PTPRD: variants seen among roughly 807,000 people sequenced by gnomAD.
The protein encoded by PTPRD is protein tyrosine phosphatase receptor type D.
In PTPRD, 34 loss-of-function variants were observed where a neutral mutation model predicts 214.5. The ratio of observed to expected loss-of-function variants is 0.16; its 90% confidence interval spans 0.12 to 0.21. PTPRD has a LOEUF of 0.21. Ranked by LOEUF, PTPRD falls within the 10% of genes least tolerant of loss-of-function variation. PTPRD has a pLI of 1.00. For missense variants in PTPRD, 2,545 were observed against 2,398.7 expected, an observed-to-expected ratio of 1.06 and a Z score of -1.27; for synonymous variants, 1,128 against 845.7, an observed-to-expected ratio of 1.33 and a Z score of -5.79.
intron 11 of PTPRD, among the ~76,000 whole-genome samples, chr9:8,779,639 T>C (rs1302672291): frequency 2.0e-5 from 3 of 152,120 alleles, no homozygotes; most frequent in Non-Finnish European, 4.4e-5. Flanking sequence ...GAGCCAGAGA[T>C]GCCACTATCT....
intron 43 of PTPRD, among the ~76,000 whole-genome samples, chr9:8,337,489 T>C (rs117303846): frequency 0.019 from 2,852 of 152,062 alleles, 40 homozygotes; most frequent in Non-Finnish European, 0.026. Context: ...TTAGGAGAAA[T>C]ACCTAATGTA....
chr9:10,410,512 T>A (rs551217313), intron 2 of PTPRD, among the ~76,000 whole-genome samples: 1 of 151,382 alleles, frequency 6.6e-6, no homozygotes, highest in South Asian at 2.1e-4. Flanking sequence ...AAACTGTTGA[T>A]GTAGTGAATG....
intron 5 of PTPRD, among the ~76,000 whole-genome samples, chr9:9,929,761 T>C (rs1320986967): frequency 6.6e-6 from 1 of 152,200 alleles, no homozygotes; most frequent in Non-Finnish European, 1.5e-5. Context: ...TAATGGAGGA[T>C]GTCCCTAGGA....
chr9:9,691,800 T>G (rs2097276089), intron 7 of PTPRD, among the ~76,000 whole-genome samples: 1 of 152,094 alleles, frequency 6.6e-6, no homozygotes, highest in Non-Finnish European at 1.5e-5. Flanking sequence ...ATTGCCTGTC[T>G]TTGGACAAAA....
chr9:9,966,120 T>A (rs2094679731), intron 4 of PTPRD, among the ~76,000 whole-genome samples: 1 of 151,882 alleles, frequency 6.6e-6, no homozygotes, highest in East Asian at 1.9e-4. Context: ...GCTTTCGGTT[T>A]TTTAATAAAG....
At chr9:9,949,561 TACCAAAGGGAAAA>T in intron 4 of PTPRD, among the ~76,000 whole-genome samples, 1 of 152,240 alleles carries the variant, frequency 6.6e-6, no homozygotes, top group African/African-American at 2.4e-5. Flanking sequence ...GCTACTCACA[TACCAAAGGGAAAA>T]ATCATACGAC....
intron 39 of PTPRD, among the ~76,000 whole-genome samples, chr9:8,349,765 C>T (rs572675575): frequency 2.1e-4 from 32 of 152,196 alleles, no homozygotes; most frequent in Non-Finnish European, 3.4e-4. Flanking sequence ...AAAAAGAGAA[C>T]GGCAAGTTTA....
chr9:10,224,694 C>A (rs536585018), intron 3 of PTPRD, among the ~76,000 whole-genome samples: 1 of 152,010 alleles, frequency 6.6e-6, no homozygotes, highest in South Asian at 2.1e-4. Flanking sequence ...ATGCGCTGGT[C>A]CACTGACACA....
At chr9:10,155,721 G>T (rs1452633634) in intron 3 of PTPRD, among the ~76,000 whole-genome samples, 1 of 152,104 alleles carries the variant, frequency 6.6e-6, no homozygotes, top group African/African-American at 2.4e-5. Context: ...TTTGTCTTTA[G>T]TTATGTTTAT....
chr9:9,135,989 A>C (rs1231150593), intron 10 of PTPRD, among the ~76,000 whole-genome samples: 2 of 151,936 alleles, frequency 1.3e-5, no homozygotes, highest in African/African-American at 4.8e-5. Flanking sequence ...TAAATTATAT[A>C]CATGCACATG....
intron 9 of PTPRD, among the ~76,000 whole-genome samples, chr9:9,275,375 A>G (rs959892561): frequency 1.3e-5 from 2 of 149,182 alleles, no homozygotes; most frequent in African/African-American, 4.9e-5. Context: ...TTGTGTATGT[A>G]TGTATTTCCC....
At chr9:8,358,022 G>A (rs551148229) in intron 39 of PTPRD, among the ~76,000 whole-genome samples, 1 of 152,116 alleles carries the variant, frequency 6.6e-6, no homozygotes, top group South Asian at 2.1e-4. Flanking sequence ...TATACATACA[G>A]ATCATTATAC....
chr9:9,430,424 C>T (rs1439573263), intron 8 of PTPRD, among the ~76,000 whole-genome samples: 3 of 151,786 alleles, frequency 2.0e-5, no homozygotes, highest in Non-Finnish European at 4.4e-5. Flanking sequence ...AATGGAAGAA[C>T]ATTCCATGTT....
intron 11 of PTPRD, among the ~76,000 whole-genome samples, chr9:8,897,173 A>G (rs900499847): frequency 3.9e-5 from 6 of 152,172 alleles, no homozygotes; most frequent in African/African-American, 1.4e-4. Context: ...CAATCAAGGA[A>G]TATTTATTAA....
intron 8 of PTPRD, among the ~76,000 whole-genome samples, chr9:9,500,733 A>G (rs1459890357): frequency 6.6e-6 from 1 of 152,132 alleles, no homozygotes; most frequent in Non-Finnish European, 1.5e-5. Context: ...AGGTAGATAT[A>G]GAAGACTTTT....
intron 7 of PTPRD, among the ~76,000 whole-genome samples, chr9:9,592,600 T>C (rs926673373): frequency 6.6e-6 from 1 of 152,040 alleles, no homozygotes; most frequent in Admixed American, 6.6e-5. Flanking sequence ...CTCTGTTAAG[T>C]TGATACTCCT....
At chr9:10,327,171 G>GTGTATATATATA (rs71485326) in intron 3 of PTPRD, among the ~76,000 whole-genome samples, 4 of 142,878 alleles carry the variant, frequency 2.8e-5, no homozygotes, top group African/African-American at 1.0e-4. Flanking sequence ...ATATGTGTGT[G>GTGTATATATATA]TATATATATA....
rs529149500 is a variant in PTPRD, at chr9:8,525,301, C to T, written c.569-266G>A. 2.7e-5 allele frequency: 15 copies of T among 549,106 alleles called. No homozygotes were observed. The African/African-American group carries it at 2.8e-4, about 10-fold the overall frequency. The allele number at this position is 549,106 out of a possible 1,614,324, so 34.0% of individuals were successfully genotyped here. ...AAGACTTCTAGTCATAATTAACACT[C>T]TTATTTCCTAGACTAATAAAATGAA... On this transcript the variant is annotated intron_variant, in intron 17 of 45. Coordinates refer to ENST00000381196, the MANE Select transcript of PTPRD (RefSeq NM_002839.4).
At chr9:8,965,266 G>C (rs1189746243) in intron 11 of PTPRD, among the ~76,000 whole-genome samples, 1 of 151,886 alleles carries the variant, frequency 6.6e-6, no homozygotes. Context: ...GCCTATCTCA[G>C]CTACTAGGGA....
Sources: gnomAD v4.1 joint callset for allele counts (sites outside exome capture counted in the v4.1 genomes callset) on GRCh38, gnomAD v4.1.1 for gene constraint, MANE v1.5 for transcripts, NCBI Gene and HGNC (gene_info 2026-07-23, HGNC 2026-07-21) for gene names.